Variants in TSPAN18 observed in about 807,000 individuals in gnomAD.
TSPAN18 encodes tetraspanin-18.
Under a neutral mutation model 27.3 loss-of-function variants are expected in TSPAN18, and 14 were observed. The observed-to-expected ratio is 0.51, with a 90% CI of 0.34 to 0.80. The LOEUF is 0.80. Ranked by LOEUF, TSPAN18 falls within the 30% of genes least tolerant of loss-of-function variation. The pLI is 0.01. For synonymous variants in TSPAN18, 143 were observed against 136.5 expected (o/e 1.05, Z -0.33); for missense variants, 268 against 323.9 (o/e 0.83, Z 1.32).
At chr11:44,865,663 A>T (rs1858016620) in intron 3 of TSPAN18, among the ~76,000 whole-genome samples, 1 of 152,162 alleles carries the variant, frequency 6.6e-6, no homozygotes, top group Non-Finnish European at 1.5e-5. Context: ...GGGTTCTTCA[A>T]GACTAGAACT....
chr11:44,897,484 T>C (rs1173922214), intron 3 of TSPAN18, among the ~76,000 whole-genome samples: 1 of 152,158 alleles, frequency 6.6e-6, no homozygotes, highest in Non-Finnish European at 1.5e-5. Context: ...AAGCCCATGC[T>C]AGAATCTGCA....
intron 1 of TSPAN18, among the ~76,000 whole-genome samples, chr11:44,745,729 T>G (rs1855056374): frequency 1.3e-5 from 2 of 152,048 alleles, no homozygotes; most frequent in Admixed American, 1.3e-4. Flanking sequence ...AAAATTCTAT[T>G]AAAAAACAAA....
At chr11:44,760,902 G>A (rs1374635210) in intron 1 of TSPAN18, among the ~76,000 whole-genome samples, 1 of 152,004 alleles carries the variant, frequency 6.6e-6, no homozygotes, top group Non-Finnish European at 1.5e-5. Flanking sequence ...TTTCTTAGAA[G>A]TACTTAAAAT....
Position 44,919,288 on chromosome 11 carries a change from C to T in TSPAN18, c.408C>T (p.Ala136=). 2 of 1,614,078 alleles carry T rather than the reference C, an allele frequency of 1.2e-6. No individual in the cohort carries two copies. The highest frequency in any genetic ancestry group is 1.7e-6 in the Non-Finnish European group (2 of 1,179,980). ...ATAACGACACAGACGTCTTCTCTGC[C>T]ACCTGGAACTCGGTCATGATCACAG... ...QGNNDTDVFS[A]TWNSVMITFG... Residue 136 remains alanine (A), a synonymous_variant, in exon 7 of 10, where the codon GCC becomes GCT. Coordinates refer to ENST00000520358, the MANE Select transcript of TSPAN18 (RefSeq NM_130783.5).
intron 3 of TSPAN18, among the ~76,000 whole-genome samples, chr11:44,884,030 C>T (rs914425695): frequency 3.3e-5 from 5 of 152,196 alleles, no homozygotes; most frequent in Admixed American, 6.5e-5. Flanking sequence ...ACTGCCATAC[C>T]GTCTCTTCCC....
intron 1 of TSPAN18, among the ~76,000 whole-genome samples, chr11:44,744,021 T>C (rs1267384968): frequency 6.6e-6 from 1 of 152,178 alleles, no homozygotes; most frequent in African/African-American, 2.4e-5. Context: ...GAAGGAGCCA[T>C]CTGGCCTGGT....
At chr11:44,785,818 C>G (rs1485278920) in intron 2 of TSPAN18, among the ~76,000 whole-genome samples, 4 of 152,168 alleles carry the variant, frequency 2.6e-5, no homozygotes, top group African/African-American at 9.7e-5. Context: ...AGCAGTGGAG[C>G]CAGGGCAGCT....
intron 3 of TSPAN18, among the ~76,000 whole-genome samples, chr11:44,883,937 A>T (rs1481819212): frequency 0.023 from 3,463 of 152,320 alleles, 119 homozygotes; most frequent in East Asian, 0.1. Flanking sequence ...AAATTAAATG[A>T]GTTAACAGAT....
At chr11:44,919,627 T>C in intron 7 of TSPAN18, 190 bp from the exon 8 acceptor site, 2 of 651,704 alleles carry the variant, frequency 3.1e-6, no homozygotes, top group Non-Finnish European at 5.4e-6. Context: ...ACCTCTGTTA[T>C]AGAGATGAGG....
intron 8 of TSPAN18, among the ~76,000 whole-genome samples, chr11:44,922,147 C>T (rs1196977239): frequency 1.4e-5 from 2 of 143,564 alleles, no homozygotes; most frequent in African/African-American, 2.8e-5. Context: ...GACTGAGTCT[C>T]GCTCTGTCGC....
chr11:44,882,627 C>CACAGAGAGAG (rs375349718), intron 3 of TSPAN18, among the ~76,000 whole-genome samples: 3 of 130,608 alleles, frequency 2.3e-5, no homozygotes, highest in African/African-American at 6.0e-5. Context: ...CACACACACA[C>CACAGAGAGAG]AGAGAGAGAG....
At chr11:44,843,279 C>T (rs1387023191) in intron 2 of TSPAN18, among the ~76,000 whole-genome samples, 1 of 152,068 alleles carries the variant, frequency 6.6e-6, no homozygotes, top group Non-Finnish European at 1.5e-5. Context: ...CCGGGGGAGA[C>T]ATCACATATT....
chr11:44,923,228 G>A (rs10769097), intron 8 of TSPAN18, among the ~76,000 whole-genome samples: 42,458 of 152,062 alleles, frequency 0.28, 8,594 homozygotes, highest in African/African-American at 0.57. Flanking sequence ...GAAGCATTGC[G>A]TGTGGGTGAC....
chr11:44,905,043 G>A (rs1012141051), intron 3 of TSPAN18, among the ~76,000 whole-genome samples: 4 of 152,136 alleles, frequency 2.6e-5, no homozygotes, highest in Non-Finnish European at 5.9e-5. Context: ...CAGTGGCTAC[G>A]ATTATTACTG....
intron 7 of TSPAN18, 30 bp from the exon 8 acceptor site, chr11:44,919,787 A>G: frequency 1.2e-6 from 2 of 1,612,548 alleles, no homozygotes; most frequent in Middle Eastern, 3.3e-4. Flanking sequence ...CCTCCTGCCC[A>G]CCAGAACCTT....
intron 5 of TSPAN18, among the ~76,000 whole-genome samples, chr11:44,915,904 C>T (rs915244123): frequency 6.6e-6 from 1 of 152,156 alleles, no homozygotes; most frequent in Non-Finnish European, 1.5e-5. Context: ...AAGCCTGTGT[C>T]GGAGCAGCTG....
At chr11:44,812,958 C>A (rs1856749126) in intron 2 of TSPAN18, among the ~76,000 whole-genome samples, 1 of 152,342 alleles carries the variant, frequency 6.6e-6, no homozygotes, top group Admixed American at 6.5e-5. Flanking sequence ...AATGAGGGAG[C>A]AAAGCCCTGT....
intron 4 of TSPAN18, among the ~76,000 whole-genome samples, chr11:44,907,024 T>C (rs1372952995): frequency 1.3e-5 from 2 of 152,250 alleles, no homozygotes; most frequent in African/African-American, 2.4e-5. Context: ...CTTAATGACC[T>C]TCCTCAACAG....
At chr11:44,795,459 T>C (rs570994848) in intron 2 of TSPAN18, among the ~76,000 whole-genome samples, 12 of 152,218 alleles carry the variant, frequency 7.9e-5, no homozygotes, top group Middle Eastern at 3.4e-3. Context: ...GTGGTCATGA[T>C]GGTATCCTAC....
Sources: allele counts gnomAD v4.1 joint callset (sites outside exome capture counted in the v4.1 genomes callset), GRCh38; gene constraint gnomAD v4.1.1; transcripts MANE v1.5; gene names NCBI Gene and HGNC (gene_info 2026-07-23, HGNC 2026-07-21).